The following C4orf51 variants were observed in gnomAD, a reference collection of about 807,000 sequenced individuals.
C4orf51 encodes the protein chromosome 4 open reading frame 51.
A neutral mutation model predicts 25.2 loss-of-function variants in C4orf51; 25 were observed. The ratio of observed to expected loss-of-function variants is 0.99; its 90% CI spans 0.72 to 1.39. C4orf51 has a LOEUF of 1.39. Ranked by LOEUF, C4orf51 falls within the 40% of genes most tolerant of loss-of-function variation. The pLI is 0.00. For synonymous variants in C4orf51, 100 were observed against 84.5 expected (o/e 1.18, Z -1.01); for missense variants, 252 against 239.6 (o/e 1.05, Z -0.34).
chr4:145,714,604 T>G (rs1731302131), intron 2 of C4orf51, among the ~76,000 whole-genome samples: 1 of 152,246 alleles, frequency 6.6e-6, no homozygotes, highest in African/African-American at 2.4e-5. Flanking sequence ...CTCACTGTGC[T>G]TTTTCATAAC....
At position 145,761,136 on chromosome 4, in the gene C4orf51, G is replaced by A. The variant is rs1157455469; in HGVS notation, n.167-9852G>A. 4 of 1,289,612 alleles carry A rather than the reference G, an allele frequency of 3.1e-6. No individual in the cohort carries two copies. The highest frequency in any genetic ancestry group is 5.5e-5 in the East Asian group (1 of 18,028). 79.9% of individuals were successfully genotyped at this position (1,289,612 alleles called of 1,614,324 possible). A position where few individuals can be genotyped will look rare whatever the true frequency, so the allele number is the denominator to read the frequency against. ...CCACCAGGAGCGGGGCCCCCGGGCC[G>A]GCCGGTTCCTTGGGGGCTGGACACA... On this transcript the variant is annotated intron_variant and non_coding_transcript_variant, in intron 1 of 1. Coordinates refer to the C4orf51 transcript ENST00000510096. This position sits in a 1 kb window ranked among gnomAD's most constrained non-coding sequence, Gnocchi z 6.8.
intron 1 of C4orf51, among the ~76,000 whole-genome samples, chr4:145,685,582 C>T (rs755032470): frequency 6.6e-6 from 1 of 152,074 alleles, no homozygotes; most frequent in African/African-American, 2.4e-5. Context: ...GTAATTAGAT[C>T]GGAACAAAAC....
At chr4:145,788,709 AT>A in the C4orf51 span, among the ~76,000 whole-genome samples, 1 of 152,228 alleles carries the variant, frequency 6.6e-6, no homozygotes, top group South Asian at 2.1e-4. Context: ...CCTGGTTATT[AT>A]CTTGCCCATT....
chr4:145,729,586 C>T (rs766605926), intron 4 of C4orf51, among the ~76,000 whole-genome samples: 7 of 152,166 alleles, frequency 4.6e-5, no homozygotes, highest in Non-Finnish European at 7.3e-5. Flanking sequence ...CAGGCGTGAG[C>T]CACCATGCCC....
intron 1 of C4orf51, among the ~76,000 whole-genome samples, chr4:145,746,809 T>C (rs995185447): frequency 6.6e-5 from 10 of 152,140 alleles, no homozygotes; most frequent in African/African-American, 2.4e-4. Context: ...GTGGGTAGTA[T>C]GGACATTTTA....
chr4:145,745,670 G>T (rs1026556248), intron 1 of C4orf51, among the ~76,000 whole-genome samples: 2 of 152,166 alleles, frequency 1.3e-5, no homozygotes, highest in African/African-American at 4.8e-5. Flanking sequence ...TGTGAACAGT[G>T]GCGTGAGAAA....
At chr4:145,764,042 G>C (rs1039485161) in intron 1 of C4orf51, among the ~76,000 whole-genome samples, 28 of 152,160 alleles carry the variant, frequency 1.8e-4, no homozygotes, top group African/African-American at 6.5e-4. Context: ...GGGGAGTCAT[G>C]CCACCTCTCT....
rs1399363047 is a variant in C4orf51 at position 145,703,947 on chromosome 4, A to C, written c.307+7315A>C. Reference sequence around the variant, plus strand: ...TGATTAATAAAAGAAAAGGCATAAAAATTTATTTAACATGCATCCACGGGA... The same window carrying C: ...TGATTAATAAAAGAAAAGGCATAAACATTTATTTAACATGCATCCACGGGA... On this transcript the variant is annotated intron_variant, in intron 2 of 5. Coordinates refer to ENST00000438731, the MANE Select transcript of C4orf51 (RefSeq NM_001080531.3). Among the ~76,000 whole-genome samples, 4 of 152,362 alleles carry C rather than the reference A, an allele frequency of 2.6e-5. No individual in the cohort carries two copies. The East Asian group carries it at 7.7e-4, about 29-fold the overall frequency.
intron 1 of C4orf51, among the ~76,000 whole-genome samples, chr4:145,695,309 G>A (rs1415064796): frequency 6.6e-6 from 1 of 152,132 alleles, no homozygotes; most frequent in East Asian, 1.9e-4. Flanking sequence ...TCCCATTGTA[G>A]TTTTAATTTG....
the C4orf51 span, among the ~76,000 whole-genome samples, chr4:145,783,677 G>T: frequency 1.3e-5 from 2 of 152,234 alleles, no homozygotes; most frequent in Non-Finnish European, 2.9e-5. Context: ...CTGTTAAAAT[G>T]AAGGATATAC....
At chr4:145,696,276 C>T (rs919303518) in intron 1 of C4orf51, among the ~76,000 whole-genome samples, 21 of 152,006 alleles carry the variant, frequency 1.4e-4, no homozygotes, top group African/African-American at 2.4e-5. Flanking sequence ...AGGAATGGAA[C>T]AACAGACACT....
intron 1 of C4orf51, among the ~76,000 whole-genome samples, chr4:145,745,792 C>A (rs1032108198): frequency 6.6e-6 from 1 of 152,074 alleles, no homozygotes; most frequent in African/African-American, 2.4e-5. Flanking sequence ...TTTTGAGGAA[C>A]CTCCAAACTG....
intron 2 of C4orf51, among the ~76,000 whole-genome samples, chr4:145,719,711 C>T (rs904362303): frequency 3.9e-5 from 6 of 152,014 alleles, no homozygotes; most frequent in East Asian, 1.9e-4. Flanking sequence ...ATTACTAGTG[C>T]GTGGCACTGT....
intron 3 of C4orf51, among the ~76,000 whole-genome samples, chr4:145,727,637 A>T (rs547998718): frequency 6.6e-6 from 1 of 151,666 alleles, no homozygotes; most frequent in African/African-American, 2.4e-5. Context: ...GCACTTTGGG[A>T]GGCCAAGACA....
At chr4:145,706,722 G>A (rs144387167) in intron 2 of C4orf51, among the ~76,000 whole-genome samples, 1,743 of 151,602 alleles carry the variant, frequency 0.011, 29 homozygotes, top group African/African-American at 0.039. Flanking sequence ...CTCACTGCAA[G>A]TTCCGCCTCC....
rs1734554892 is a variant in C4orf51 at position 145,761,834 on chromosome 4, G to T, written n.167-9154G>T. Among the ~76,000 whole-genome samples, 1 of 152,170 alleles carries T rather than the reference G, an allele frequency of 6.6e-6. No individual in the cohort carries two copies. Among genetic ancestry groups the T allele is most frequent in the African/African-American group, 2.4e-5 (1 of 41,442 alleles). On this transcript the variant is annotated intron_variant and non_coding_transcript_variant, in intron 1 of 1. Transcript: ENST00000510096. This position sits in a 1 kb window ranked among gnomAD's most constrained non-coding sequence, Gnocchi z 6.8. ...TGGCAAGGTCCGCTCAGCCTATTCT[G>T]GGTCTCTTGGCCGATACAGGCAAGG... is the stretch of plus-strand genomic sequence containing the variant.
At chr4:145,722,323 A>G (rs1269261043) in intron 2 of C4orf51, among the ~76,000 whole-genome samples, 3 of 152,178 alleles carry the variant, frequency 2.0e-5, no homozygotes, top group Non-Finnish European at 4.4e-5. Flanking sequence ...GTTGAGAGTA[A>G]AATTAAAATA....
In C4orf51 at chr4:145,680,290, G is replaced by A; in HGVS notation, c.87G>A (p.Lys29=). The part of the protein sequence containing the change: ...TSQEFDLIRR[K]AGASWQDETR... ...AAGAGTTTGATCTGATCAGACGCAA[G>A]GCTGGAGCATCTTGGCAGGATGAAA... is the stretch of plus-strand genomic sequence containing the variant. Residue 29 remains lysine (K), a synonymous_variant, in exon 1 of 6, where the codon AAG becomes AAA. Transcript: ENST00000438731. The A allele has an allele frequency of 1.2e-6, 2 of 1,614,018 alleles. No homozygotes were observed. The highest frequency in any genetic ancestry group is 1.7e-6 in the Non-Finnish European group (2 of 1,179,872).
intron 2 of C4orf51, among the ~76,000 whole-genome samples, chr4:145,706,200 T>G (rs909630416): frequency 1.3e-5 from 2 of 152,210 alleles, no homozygotes; most frequent in Non-Finnish European, 2.9e-5. Flanking sequence ...AGAACTGACT[T>G]GTTCACAATA....
Sources: allele counts gnomAD v4.1 joint callset (sites outside exome capture counted in the v4.1 genomes callset), GRCh38; gene constraint gnomAD v4.1.1; non-coding constraint Gnocchi (gnomAD v3.1); transcripts MANE v1.5; gene names NCBI Gene and HGNC (gene_info 2026-07-23, HGNC 2026-07-21).